The following URB2 variants were observed in gnomAD, a reference collection of about 807,000 sequenced individuals.
URB2 encodes unhealthy ribosome biogenesis protein 2 homolog.
A neutral mutation model predicts 120.9 loss-of-function variants in URB2; 86 were observed. The observed-to-expected ratio is 0.71, with a 90% CI of 0.60 to 0.85. The LOEUF (loss-of-function observed/expected upper bound fraction) is 0.85, where lower values mean the gene tolerates loss of function less well. Ranked by LOEUF, URB2 falls within the 40% of genes least tolerant of loss-of-function variation. The pLI, the probability that URB2 is intolerant of heterozygous loss-of-function variation, is 0.00. For synonymous variants in URB2, 755 were observed against 758.4 expected, an observed-to-expected ratio of 1.00 and a Z score of 0.07; for missense variants, 1,765 against 1,836.5, an observed-to-expected ratio of 0.96 and a Z score of 0.71.
intron 8 of URB2, among the ~76,000 whole-genome samples, chr1:229,653,132 A>G (rs1666321069): frequency 6.6e-6 from 1 of 152,252 alleles, no homozygotes; most frequent in South Asian, 2.1e-4. Context: ...ATATTAAAGC[A>G]TATCACTAAA....
Position 229,635,864 on chromosome 1 carries a change from T to A in URB2, c.1251T>A (p.Ser417=). 1.2e-6 allele frequency: 2 copies of A among 1,614,216 alleles called. No individual in the cohort carries two copies. The highest frequency in any genetic ancestry group is 1.7e-6 in the Non-Finnish European group (2 of 1,180,038). The part of the protein sequence containing the change: ...AWFRCLKTLI[S]LNHLILEPDL... The stretch of plus-strand genomic sequence containing the variant: ...TCCGCTGTCTGAAGACTTTGATATC[T>A]CTGAATCATTTGATTTTGGAGCCAG... The change falls in exon 4 of 10, where the codon TCT becomes TCA. Residue 417 remains serine (S), a synonymous_variant. Transcript: ENST00000258243.
chr1:229,656,907 A>G (rs1471895381), intron 9 of URB2, among the ~76,000 whole-genome samples: 1 of 152,228 alleles, frequency 6.6e-6, no homozygotes, highest in Non-Finnish European at 1.5e-5. Context: ...CTGTGTCCCA[A>G]TAAAGCCATA....
At chr1:229,651,031 A>G (rs1411810949) in intron 7 of URB2, 3 of 335,736 alleles carry the variant, frequency 8.9e-6, no homozygotes, top group Admixed American at 4.6e-5. Context: ...AGTTAAAACA[A>G]GGGTCAAAGA....
intron 2 of URB2, among the ~76,000 whole-genome samples, chr1:229,629,067 C>T (rs973423038): frequency 2.6e-5 from 4 of 152,200 alleles, no homozygotes; most frequent in African/African-American, 9.7e-5. Flanking sequence ...TTTATTCCTT[C>T]TGGCATCTGT....
intron 1 of URB2, among the ~76,000 whole-genome samples, chr1:229,626,997 G>GT (rs964218904): frequency 4.6e-5 from 7 of 152,230 alleles, no homozygotes; most frequent in African/African-American, 1.7e-4. Context: ...AATAGTAACT[G>GT]TAGGTGTTTG....
In URB2 at chr1:229,634,972, G is replaced by T. The variant is rs1665756514; in HGVS notation, c.359G>T (p.Cys120Phe). 1.3e-6 allele frequency: 2 copies of T among 1,588,084 alleles called. No individual in the cohort carries two copies. The highest frequency in any genetic ancestry group is 2.3e-5 in the South Asian group (2 of 88,274). Residue 120 changes from cysteine to phenylalanine, a missense_variant, in exon 4 of 10, where the codon TGT becomes TTT. Physicochemically the swap from Cys to Phe is radical, Grantham distance 205. Transcript: ENST00000258243. ...FSLSGSQRNI[C>F]AVLRCCQGIL... ...CTTTCGGGATCCCAAAGAAACATCTGTGCTGTCCTTCGATGTTGCCAGGGC... is the reference window on the plus strand; with the variant it reads ...CTTTCGGGATCCCAAAGAAACATCTTTGCTGTCCTTCGATGTTGCCAGGGC...
At chr1:229,651,937 T>C (rs1175358047) in intron 8 of URB2, among the ~76,000 whole-genome samples, 1 of 152,160 alleles carries the variant, frequency 6.6e-6, no homozygotes, top group Non-Finnish European at 1.5e-5. Flanking sequence ...ATCCCAGCAA[T>C]TTGAGAGGCT....
At chr1:229,648,590 CT>C (rs1322415834) in intron 7 of URB2, among the ~76,000 whole-genome samples, 2 of 152,304 alleles carry the variant, frequency 1.3e-5, no homozygotes, top group East Asian at 3.9e-4. Context: ...TGTTCCACCC[CT>C]ATAGCAAGCC....
intron 8 of URB2, among the ~76,000 whole-genome samples, chr1:229,653,164 T>A (rs540483729): frequency 6.6e-6 from 1 of 152,364 alleles, no homozygotes; most frequent in African/African-American, 2.4e-5. Context: ...GTTGAAATGC[T>A]ACATGAATGT....
At chr1:229,646,551 A>C (rs1045828019) in intron 6 of URB2, among the ~76,000 whole-genome samples, 1 of 152,000 alleles carries the variant, frequency 6.6e-6, no homozygotes, top group Non-Finnish European at 1.5e-5. Context: ...AGTTTAATGC[A>C]CTCATTTATT....
At chr1:229,638,985 CT>C (rs1558166800) in intron 4 of URB2, among the ~76,000 whole-genome samples, 2 of 152,146 alleles carry the variant, frequency 1.3e-5, no homozygotes, top group African/African-American at 4.8e-5. Flanking sequence ...CATAAATTGA[CT>C]TTAAAAAGAT....
Position 229,636,352 on chromosome 1 carries a change from T to C in URB2, c.1739T>C (p.Val580Ala). The change falls in exon 4 of 10, where the codon GTG (valine) becomes GCG (alanine). Residue 580 changes from valine (V) to alanine (A), a missense_variant. Physicochemically the swap from Val to Ala is moderately conservative, Grantham distance 64 (BLOSUM62 0). Coordinates refer to ENST00000258243, the MANE Select transcript of URB2 (RefSeq NM_014777.4). Reference protein sequence around the residue: ...CMMERMMRELVQPLLALLPDT... With the variant: ...CMMERMMRELAQPLLALLPDT... ...ATGGAGAGGATGATGAGGGAGCTCG[T>C]GCAGCCCCTGCTGGCCCTTCTCCCG... The C allele has an allele frequency of 6.2e-7, 1 of 1,614,206 alleles. No individual in the cohort carries two copies. Among genetic ancestry groups the C allele is most frequent in the Non-Finnish European group, 8.5e-7 (1 of 1,180,020 alleles).
chr1:229,635,079 T>A lies in URB2; in HGVS notation c.466T>A (p.Ser156Thr), dbSNP rs1366144119. 6.2e-7 allele frequency: 1 copy of A among 1,613,826 alleles called. No individual in the cohort carries two copies. The highest frequency in any genetic ancestry group is 8.5e-7 in the Non-Finnish European group (1 of 1,179,942). ...MVALLSQLCW[S>T]ACRQPEGAVV... The stretch of plus-strand genomic sequence containing the variant: ...GGCCTTGCTGAGCCAGCTTTGCTGG[T>A]CGGCCTGCAGGCAGCCCGAAGGAGC... The change falls in exon 4 of 10, where the codon TCG (serine) becomes ACG (threonine). Residue 156 changes from serine to threonine, a missense_variant. Ser to Thr is a moderately conservative substitution (Grantham distance 58). Transcript: ENST00000258243.
Position 229,636,404 on chromosome 1 carries a change from G to A in URB2, c.1791G>A (p.Leu597=), listed in dbSNP as rs899693038. The change falls in exon 4 of 10, where the codon CTG becomes CTA. Residue 597 remains leucine (L), a synonymous_variant. Coordinates refer to ENST00000258243, the MANE Select transcript of URB2 (RefSeq NM_014777.4). ...ACACCCCAGGCCCAGAGCCAGAGCT[G>A]TGGCTGCAGAAGGTCAGTGACTCTG... is the stretch of plus-strand genomic sequence containing the variant. ...LPDTPGPEPE[L]WLQKVSDSVL... The A allele has an allele frequency of 1.2e-6, 2 of 1,614,140 alleles. No homozygotes were observed. The highest frequency in any genetic ancestry group is 1.7e-6 in the Non-Finnish European group (2 of 1,180,054).
intron 4 of URB2, 39 bp from the exon 5 acceptor site, chr1:229,643,494 C>T (rs760656050): frequency 1.9e-6 from 3 of 1,611,956 alleles, no homozygotes; most frequent in Non-Finnish European, 2.5e-6. Context: ...TTTATTTCAC[C>T]TGTCACATCT....
intron 1 of URB2, among the ~76,000 whole-genome samples, chr1:229,627,020 C>T (rs903293486): frequency 2.0e-5 from 3 of 152,148 alleles, no homozygotes; most frequent in African/African-American, 7.2e-5. Flanking sequence ...ATGTTTGCTA[C>T]CCCCGAGATT....
chr1:229,637,789 C>G lies in URB2; in HGVS notation c.3176C>G (p.Ser1059Cys), dbSNP rs1366707805. ...CAGGGCAGGCAGCTCCTTCTGGTGT[C>G]TTTAACCAGGTTGTGCCATGTCCTG... ...NPQGRQLLLVSLTRLCHVLGP... is the reference protein window; with the variant it reads ...NPQGRQLLLVCLTRLCHVLGP... Residue 1059 changes from serine (S) to cysteine (C), a missense_variant, in exon 4 of 10, where the codon TCT becomes TGT. Physicochemically the swap from Ser to Cys is moderately radical, Grantham distance 112 (BLOSUM62 -1). Transcript: ENST00000258243. 12 of 1,613,862 alleles carry G rather than the reference C, an allele frequency of 7.4e-6. No homozygotes were observed. The highest frequency in any genetic ancestry group is 2.7e-5 in the African/African-American group (2 of 74,932).
At chr1:229,630,015 T>G (rs1665620788) in intron 2 of URB2, among the ~76,000 whole-genome samples, 1 of 152,246 alleles carries the variant, frequency 6.6e-6, no homozygotes, top group African/African-American at 2.4e-5. Flanking sequence ...CTTCTAATTC[T>G]AGTTCCCTGG....
intron 7 of URB2, 114 bp downstream of exon 7, chr1:229,647,866 G>T: frequency 6.9e-7 from 1 of 1,457,510 alleles, no homozygotes; most frequent in Non-Finnish European, 9.1e-7. Context: ...TACAAATAAC[G>T]ATTTGCTAGG....
Sources: allele counts gnomAD v4.1 joint callset (sites outside exome capture counted in the v4.1 genomes callset), GRCh38; gene constraint gnomAD v4.1.1; transcripts MANE v1.5; gene names NCBI Gene and HGNC (gene_info 2026-07-23, HGNC 2026-07-21).